HPSE2: variants seen among roughly 807,000 people sequenced by gnomAD.
HPSE2 encodes heparanase 2 (inactive), also known as inactive heparanase-2.
Under a neutral mutation model 60.5 loss-of-function variants are expected in HPSE2, and 38 were observed. The ratio of observed to expected loss-of-function variants is 0.63; its 90% CI spans 0.48 to 0.82. The LOEUF (loss-of-function observed/expected upper bound fraction) is 0.82, where lower values mean the gene tolerates loss of function less well. HPSE2 is among the 40% of genes least tolerant of loss of function. The probability of loss-of-function intolerance (pLI) is 0.00; values close to 1 mark genes in which losing one functional copy is unlikely to be tolerated. For synonymous variants in HPSE2, 295 were observed against 293.2 expected (o/e 1.01, Z -0.06); for missense variants, 713 against 740.4 (o/e 0.96, Z 0.43).
intron 9 of HPSE2, among the ~76,000 whole-genome samples, chr10:98,571,384 A>C (rs1347536572): frequency 2.6e-5 from 4 of 152,114 alleles, no homozygotes; most frequent in Non-Finnish European, 5.9e-5. Context: ...ATCATGGGGG[A>C]TCATACTGCA....
intron 9 of HPSE2, among the ~76,000 whole-genome samples, chr10:98,528,692 C>T (rs1943043579): frequency 6.6e-6 from 1 of 152,158 alleles, no homozygotes; most frequent in South Asian, 2.1e-4. Flanking sequence ...CTCTGAGTTT[C>T]CTGTCCTATT....
upstream of HPSE2, chr10:99,235,870 G>C: frequency 7.2e-7 from 1 of 1,380,600 alleles, no homozygotes; most frequent in Non-Finnish European, 1.0e-6. Flanking sequence ...CTTATCTAAA[G>C]TGTGTGTCTG....
chr10:98,548,748 C>T (rs1321692666), intron 9 of HPSE2, among the ~76,000 whole-genome samples: 1 of 152,170 alleles, frequency 6.6e-6, no homozygotes, highest in Non-Finnish European at 1.5e-5. Flanking sequence ...AGATGTTAGG[C>T]CCATTGCCCC....
intron 3 of HPSE2, among the ~76,000 whole-genome samples, chr10:99,066,076 A>G (rs1238454802): frequency 6.6e-6 from 1 of 152,116 alleles, no homozygotes; most frequent in African/African-American, 2.4e-5. Flanking sequence ...GTTTGGGACA[A>G]AACAGAATTC....
At chr10:98,824,996 C>T (rs539461189) in intron 3 of HPSE2, among the ~76,000 whole-genome samples, 1 of 152,290 alleles carries the variant, frequency 6.6e-6, no homozygotes, top group Admixed American at 6.5e-5. Flanking sequence ...CTGTCAGGCA[C>T]TGTGATAGTC....
chr10:98,706,425 T>C (rs1229816194), intron 5 of HPSE2, among the ~76,000 whole-genome samples: 1 of 152,152 alleles, frequency 6.6e-6, no homozygotes, highest in East Asian at 1.9e-4. Flanking sequence ...GACGACTGGC[T>C]CAGGGCCTCT....
chr10:98,648,313 G>T (rs759734149), intron 6 of HPSE2, among the ~76,000 whole-genome samples: 1 of 152,172 alleles, frequency 6.6e-6, no homozygotes, highest in Non-Finnish European at 1.5e-5. Context: ...AAAGAGGTAG[G>T]GAAATCATAT....
intron 3 of HPSE2, among the ~76,000 whole-genome samples, chr10:98,993,523 A>T (rs1956574999): frequency 6.6e-6 from 1 of 152,192 alleles, no homozygotes; most frequent in Non-Finnish European, 1.5e-5. Flanking sequence ...TTTACTTTGA[A>T]TATATTTTTA....
intron 3 of HPSE2, among the ~76,000 whole-genome samples, chr10:98,832,070 C>A (rs944379514): frequency 1.3e-4 from 20 of 152,266 alleles, no homozygotes; most frequent in African/African-American, 4.8e-4. Context: ...GGCTAGAAAT[C>A]CAGCTGGCAC....
At chr10:99,094,150 T>C (rs1843615941) in intron 3 of HPSE2, among the ~76,000 whole-genome samples, 1 of 152,122 alleles carries the variant, frequency 6.6e-6, no homozygotes, top group Non-Finnish European at 1.5e-5. Flanking sequence ...ATTTGACCCA[T>C]GAATTACTTA....
At position 99,114,839 on chromosome 10, in the gene HPSE2, G is replaced by A. The variant is rs1389623332; in HGVS notation, c.610+29399C>T. Among the ~76,000 whole-genome samples, 14 of 150,476 alleles carry A rather than the reference G, an allele frequency of 9.3e-5. No homozygotes were observed. In the East Asian group the frequency reaches 9.9e-4, roughly 11 times the overall value. On this transcript the variant is annotated intron_variant, in intron 3 of 11. Transcript: ENST00000370552. ...TGAGGCAGGAGAATGGCGTGAACCC[G>A]GGAGGCAGAGCTTGCAGTGAGCCAA...
At chr10:99,125,934 T>C (rs1845146833) in intron 3 of HPSE2, among the ~76,000 whole-genome samples, 2 of 152,036 alleles carry the variant, frequency 1.3e-5, no homozygotes, top group South Asian at 4.1e-4. Flanking sequence ...CCAACTGAAA[T>C]CTGTAATAAT....
chr10:98,636,786 T>C (rs983223591), intron 7 of HPSE2, among the ~76,000 whole-genome samples: 1 of 152,236 alleles, frequency 6.6e-6, no homozygotes, highest in Non-Finnish European at 1.5e-5. Flanking sequence ...CCAACTCCTT[T>C]CTGTGCTTAT....
At chr10:99,082,375 G>A (rs1217730331) in intron 3 of HPSE2, among the ~76,000 whole-genome samples, 4 of 152,214 alleles carry the variant, frequency 2.6e-5, no homozygotes, top group Non-Finnish European at 5.9e-5. Flanking sequence ...GAGACATGGA[G>A]TGAAAAAGTT....
At chr10:98,508,361 GAA>G (rs758037495) in intron 9 of HPSE2, among the ~76,000 whole-genome samples, 2 of 152,210 alleles carry the variant, frequency 1.3e-5, no homozygotes, top group Non-Finnish European at 2.9e-5. Flanking sequence ...GAAACTGACA[GAA>G]GTTTACAGAA....
At chr10:99,093,988 A>G (rs1214218005) in intron 3 of HPSE2, among the ~76,000 whole-genome samples, 2 of 152,144 alleles carry the variant, frequency 1.3e-5, no homozygotes, top group Non-Finnish European at 2.9e-5. Flanking sequence ...TAAGTGCTCA[A>G]TACATTGATT....
At chr10:99,233,480 A>T (rs997599297) in intron 1 of HPSE2, among the ~76,000 whole-genome samples, 1 of 152,226 alleles carries the variant, frequency 6.6e-6, no homozygotes, top group Non-Finnish European at 1.5e-5. Context: ...TAGGTTTTTT[A>T]AAAGCCAAAG....
chr10:98,869,585 C>T (rs1952679728), intron 3 of HPSE2, among the ~76,000 whole-genome samples: 1 of 152,130 alleles, frequency 6.6e-6, no homozygotes, highest in Admixed American at 6.6e-5. Context: ...AGTTCCGTCA[C>T]AGACTTTCTT....
At chr10:99,048,483 A>C (rs1341349819) in intron 3 of HPSE2, among the ~76,000 whole-genome samples, 1 of 152,202 alleles carries the variant, frequency 6.6e-6, no homozygotes, top group African/African-American at 2.4e-5. Flanking sequence ...AAACATGCTC[A>C]CTGTCACTAA....
Sources: gnomAD v4.1 joint callset for allele counts (sites outside exome capture counted in the v4.1 genomes callset) on GRCh38, gnomAD v4.1.1 for gene constraint, MANE v1.5 for transcripts, NCBI Gene and HGNC (gene_info 2026-07-23, HGNC 2026-07-21) for gene names.